BRD8: variants seen among roughly 807,000 people sequenced by gnomAD.
The protein encoded by BRD8 is bromodomain-containing protein 8.
Under a neutral mutation model 143.1 loss-of-function variants are expected in BRD8, and 67 were observed. The observed-to-expected ratio is 0.47, with a 90% CI of 0.38 to 0.57. The LOEUF (loss-of-function observed/expected upper bound fraction) is 0.57, where lower values mean the gene tolerates loss of function less well. Ranked by LOEUF, BRD8 falls within the 20% of genes least tolerant of loss-of-function variation. The pLI is 0.00. For missense variants in BRD8, 1,103 were observed against 1,503.0 expected (o/e 0.73, Z 4.40); for synonymous variants, 505 against 517.1 (o/e 0.98, Z 0.32).
chr5:138,163,858 T>C (rs979054102), intron 14 of BRD8, among the ~76,000 whole-genome samples: 2 of 152,204 alleles, frequency 1.3e-5, no homozygotes, highest in Non-Finnish European at 2.9e-5. Context: ...ACTCTAAGTG[T>C]ATCAAGCCTT....
chr5:138,171,068 T>A lies in BRD8; in HGVS notation c.329A>T (p.Lys110Ile). The A allele has an allele frequency of 6.2e-7, 1 of 1,614,044 alleles. No individual in the cohort carries two copies. Among genetic ancestry groups the A allele is most frequent in the Middle Eastern group, 1.6e-4 (1 of 6,062 alleles). Residue 110 changes from lysine (K) to isoleucine (I), a missense_variant, in exon 5 of 27, where the codon AAA (lysine) becomes ATA (isoleucine). Around this residue, in one of 7 missense-constraint regions of BRD8, gnomAD observed 334 missense variants for 372.5 expected, o/e 0.90. Coordinates refer to ENST00000254900, the MANE Select transcript of BRD8 (RefSeq NM_139199.2). ...LTAERVEELK[K>I]VIKETQERYR... ...TCTCTCCTGGGTTTCCTTTATCACT[T>A]TCTTTAGTTCTTCAACTCGCTCAGC...
intron 15 of BRD8, 52 bp from the exon 16 acceptor site, chr5:138,162,198 T>A: frequency 7.2e-7 from 1 of 1,391,098 alleles, no homozygotes; most frequent in Non-Finnish European, 9.9e-7. Context: ...AAATAAAAAT[T>A]ATAATTCTCT....
chr5:138,162,274 T>G, intron 15 of BRD8, 128 bp from the exon 16 acceptor site: 1 of 687,214 alleles, frequency 1.5e-6, no homozygotes. Flanking sequence ...ATCATGTTCA[T>G]TGCACCCTCA....
At chr5:138,146,540 G>A (rs1249215761) in intron 23 of BRD8, among the ~76,000 whole-genome samples, 1 of 151,002 alleles carries the variant, frequency 6.6e-6, no homozygotes, top group Non-Finnish European at 1.5e-5. Context: ...TGTATTTGTT[G>A]TAGAGACAAG....
intron 22 of BRD8, among the ~76,000 whole-genome samples, chr5:138,150,154 G>A (rs1297629772): frequency 6.9e-6 from 1 of 145,406 alleles, no homozygotes; most frequent in East Asian, 2.0e-4. Context: ...GTCTCACTCT[G>A]TTGCCCAGGC....
chr5:138,173,974 G>C (rs1205333382), intron 2 of BRD8, among the ~76,000 whole-genome samples: 2 of 152,096 alleles, frequency 1.3e-5, no homozygotes, highest in Non-Finnish European at 2.9e-5. Context: ...ATTGCACCCA[G>C]CCCCATTCTA....
At chr5:138,148,482 C>T (rs1274070427) in intron 23 of BRD8, among the ~76,000 whole-genome samples, 1 of 152,106 alleles carries the variant, frequency 6.6e-6, no homozygotes, top group African/African-American at 2.4e-5. Flanking sequence ...GTCCTCCTGC[C>T]TTGGCCTCCT....
At chr5:138,151,039 G>A in intron 21 of BRD8, 31 bp from the exon 22 acceptor site, 1 of 1,596,400 alleles carries the variant, frequency 6.3e-7, no homozygotes, top group African/African-American at 1.3e-5. Context: ...TAGATGCACA[G>A]GAACACCACT....
intron 25 of BRD8, among the ~76,000 whole-genome samples, chr5:138,143,808 A>C (rs568495127): frequency 6.6e-6 from 1 of 151,546 alleles, no homozygotes; most frequent in Non-Finnish European, 1.5e-5. Flanking sequence ...TCAGCACTCT[A>C]TAAAAATGGA....
chr5:138,165,369 C>A (rs987052523), intron 11 of BRD8, among the ~76,000 whole-genome samples: 3 of 152,096 alleles, frequency 2.0e-5, no homozygotes, highest in Non-Finnish European at 4.4e-5. Context: ...TATGTTAGCA[C>A]CAAAGGGCTA....
intron 22 of BRD8, 141 bp downstream of exon 22, chr5:138,150,602 AAC>A: frequency 3.2e-6 from 3 of 928,018 alleles, no homozygotes; most frequent in Non-Finnish European, 4.8e-6. Flanking sequence ...TGCTAAAGGT[AAC>A]ACAGCTAAAA....
Position 138,152,550 on chromosome 5 carries a change from C to A in BRD8, c.2788G>T (p.Gly930Cys). 1 of 1,614,188 alleles carries A rather than the reference C, an allele frequency of 6.2e-7. No homozygotes were observed. The highest frequency in any genetic ancestry group is 8.5e-7 in the Non-Finnish European group (1 of 1,180,034). The part of the protein sequence containing the change: ...EPSELLVGDG[G>C]SEESQEAARK... ...GCCGCTTCCTGAGATTCCTCACTGC[C>A]TCCATCCCCAACAAGCAGTTCACTA... The change falls in exon 21 of 27, where the codon GGC (glycine) becomes TGC (cysteine). Residue 930 changes from glycine to cysteine, a missense_variant. Gly to Cys is a radical substitution (Grantham distance 159, BLOSUM62 -3). Coordinates refer to ENST00000254900, the MANE Select transcript of BRD8 (RefSeq NM_139199.2).
At position 138,165,267 on chromosome 5, in the gene BRD8, G is replaced by A. The variant is rs112630461; in HGVS notation, c.1279-101C>T. 44 of 1,308,478 alleles carry A rather than the reference G, an allele frequency of 3.4e-5. No homozygotes were observed. The African/African-American group carries it at 4.0e-4, about 12-fold the overall frequency. 81.1% of individuals were successfully genotyped at this position (1,308,478 alleles called of 1,614,324 possible). On this transcript the variant is annotated intron_variant, in intron 11 of 26. Coordinates refer to ENST00000254900, the MANE Select transcript of BRD8 (RefSeq NM_139199.2). ...TGATGGCTTGAATCTGCAGCTTTTC[G>A]CTCCATTTTTTCCATGTAGTGGAGG...
intron 20 of BRD8, among the ~76,000 whole-genome samples, chr5:138,155,173 G>A (rs947382513): frequency 6.6e-6 from 1 of 151,820 alleles, no homozygotes; most frequent in Non-Finnish European, 1.5e-5. Context: ...TTGGCAGGGC[G>A]TGGTGGCTTA....
intron 13 of BRD8, 54 bp downstream of exon 13, chr5:138,164,266 C>A: frequency 6.3e-7 from 1 of 1,595,674 alleles, no homozygotes; most frequent in Non-Finnish European, 8.6e-7. Context: ...AACCCACAAC[C>A]CCTCAGAAGC....
At position 138,144,898 on chromosome 5, in the gene BRD8, CAAAA is replaced by C. The variant is rs34496046; in HGVS notation, c.3437+275_3437+278del. Among the ~76,000 whole-genome samples the C allele has an allele frequency of 2.2e-3, 231 of 103,488 alleles. 2 individuals are homozygous for C. Among genetic ancestry groups the C allele is most frequent in the African/African-American group, 7.8e-3 (207 of 26,682 alleles). The allele number at this position is 103,488 out of a possible 152,430, so 67.9% of individuals were successfully genotyped here. ...CCTGGGCAACAGAGTGAGACCCTGT[CAAAA>C]AAAAAAAAAAAAAAAAATATATATA... On this transcript the variant is annotated intron_variant, in intron 25 of 26. Transcript: ENST00000254900.
At chr5:138,145,689 C>T in intron 24 of BRD8, 100 bp downstream of exon 24, 1 of 1,029,294 alleles carries the variant, frequency 9.7e-7, no homozygotes, top group East Asian at 2.4e-5. Context: ...TCAACTATGG[C>T]TCATTTGAGG....
At chr5:138,170,280 CAACT>C (rs547703276) in intron 7 of BRD8, 61 bp downstream of exon 7, 91 of 1,108,702 alleles carry the variant, frequency 8.2e-5, no homozygotes, top group Non-Finnish European at 1.2e-4. Context: ...CAAAACAGTC[CAACT>C]GTCATTAGCA....
In BRD8 at chr5:138,166,088, C is replaced by G. The variant is rs777007112; in HGVS notation, c.1018G>C (p.Val340Leu). 34 of 1,613,278 alleles carry G rather than the reference C, an allele frequency of 2.1e-5. No homozygotes were observed. Among genetic ancestry groups the G allele is most frequent in the Non-Finnish European group, 2.9e-5 (34 of 1,179,804 alleles). ...GGATCCCCCACAGCCTCCATGGGAA[C>G]ACAGTTGTCGGGTTGACTCACTGAG... ...VAPVSQPDNC[V>L]PMEAVGDPHT... The change falls in exon 11 of 27, where the codon GTT (valine) becomes CTT (leucine). Residue 340 changes from valine (V) to leucine (L), a missense_variant. Physicochemically the swap from Val to Leu is conservative, Grantham distance 32 (BLOSUM62 1). Transcript: ENST00000254900.
Sources: gnomAD v4.1 joint callset for allele counts (sites outside exome capture counted in the v4.1 genomes callset) on GRCh38, gnomAD v4.1.1 for gene constraint, gnomAD v4.1.1 regional missense constraint, MANE v1.5 for transcripts, NCBI Gene and HGNC (gene_info 2026-07-23, HGNC 2026-07-21) for gene names.